F7: variants seen among roughly 807,000 people sequenced by gnomAD.
The protein encoded by F7 is coagulation factor VII.
A neutral mutation model predicts 47.5 loss-of-function variants in F7; 38 were observed. That is an observed-to-expected ratio of 0.80 (90% confidence interval 0.62 to 1.05). The LOEUF is 1.05. Among genes scored for constraint, F7 ranks in the 50% least tolerant of loss-of-function variants. The pLI, the probability that F7 is intolerant of heterozygous loss-of-function variation, is 0.00. For synonymous variants in F7, 244 were observed against 258.5 expected, an observed-to-expected ratio of 0.94 and a Z score of 0.54; for missense variants, 575 against 605.4, an observed-to-expected ratio of 0.95 and a Z score of 0.53.
At position 113,117,365 on chromosome 13, in the gene F7, G is replaced by A. The variant is rs187115344; in HGVS notation, c.616-108G>A. 2.8e-5 allele frequency: 43 copies of A among 1,553,136 alleles called. No homozygotes were observed. The African/African-American group carries it at 4.3e-4, about 16-fold the overall frequency. On this transcript the variant is annotated intron_variant, in intron 6 of 7. Coordinates refer to ENST00000346342, the MANE Select transcript of F7 (RefSeq NM_019616.4). Reference sequence around the variant, plus strand: ...GATCTGCAAAGACCCCAGGATTTCAGAAAGAAATTGTGCAATGCCAGAGGT... The same window carrying A: ...GATCTGCAAAGACCCCAGGATTTCAAAAAGAAATTGTGCAATGCCAGAGGT...
At chr13:113,114,440 A>G (rs535398377) in intron 4 of F7, 7 of 225,860 alleles carry the variant, frequency 3.1e-5, no homozygotes, top group Non-Finnish European at 6.2e-5. Context: ...ACTGAAGTGG[A>G]TACACTCACA....
chr13:113,106,710 T>C lies in F7; in HGVS notation c.64+805T>C. The C allele has an allele frequency of 9.7e-6, 6 of 620,516 alleles. No individual in the cohort carries two copies. The South Asian group carries it at 1.1e-4, about 11-fold the overall frequency. 38.4% of individuals were successfully genotyped at this position (620,516 alleles called of 1,614,324 possible). A position where few individuals can be genotyped will look rare whatever the true frequency, so the allele number is the denominator to read the frequency against. On this transcript the variant is annotated intron_variant, in intron 1 of 7. Coordinates refer to ENST00000346342, the MANE Select transcript of F7 (RefSeq NM_019616.4). ...GCGAGTAGGGGGTGTGGCGTGAGGATGGCTAGTGGGGCGTGGGGATGGCGT... is the reference window on the plus strand; with the variant it reads ...GCGAGTAGGGGGTGTGGCGTGAGGACGGCTAGTGGGGCGTGGGGATGGCGT...
At chr13:113,106,853 G>A in intron 1 of F7, 5 of 1,602,298 alleles carry the variant, frequency 3.1e-6, no homozygotes, top group Admixed American at 1.7e-5. Context: ...AGGCGGGGTC[G>A]CTAAGGCCTC....
At position 113,120,063 on chromosome 13, in the gene F7, C is replaced by T. The variant is rs191700778; in HGVS notation, c.*1055C>T. 6.6e-6 allele frequency: 1 copy of T among 152,334 alleles called. No homozygotes were observed. Among genetic ancestry groups the T allele is most frequent in the Admixed American group, 6.5e-5 (1 of 15,302 alleles). The allele number at this position is 152,334 out of a possible 1,614,324, so 9.4% of individuals were successfully genotyped here. On this transcript the variant is annotated 3_prime_UTR_variant, in exon 8 of 8. Transcript: ENST00000346342. ...TTGCCCATGATTCATTTTTGGAGCC[C>T]CCGGTGCTCATCCTCTGAGATGCTC...
intron 4 of F7, chr13:113,114,881 T>C (rs1463414625): frequency 6.5e-6 from 1 of 152,820 alleles, no homozygotes; most frequent in African/African-American, 2.4e-5. Flanking sequence ...GGCACAGCAG[T>C]TCATCCTTGA....
intron 7 of F7, among the ~76,000 whole-genome samples, chr13:113,118,071 T>C (rs1331758474): frequency 6.6e-6 from 1 of 152,134 alleles, no homozygotes; most frequent in Non-Finnish European, 1.5e-5. Context: ...TTCTGCTCAC[T>C]GGGTTTATGG....
intron 1 of F7, among the ~76,000 whole-genome samples, chr13:113,109,778 C>A (rs1261388167): frequency 1.3e-5 from 2 of 152,162 alleles, no homozygotes; most frequent in East Asian, 3.9e-4. Context: ...GGCAGCACGG[C>A]CGCCCCGGGG....
chr13:113,112,831 ACACT>A (rs1481047107), intron 2 of F7, among the ~76,000 whole-genome samples: 35 of 146,588 alleles, frequency 2.4e-4, no homozygotes, highest in Admixed American at 4.7e-4. Flanking sequence ...AGGACACCTC[ACACT>A]CACAGGTCAC....
intron 4 of F7, among the ~76,000 whole-genome samples, chr13:113,114,286 T>C (rs2036155292): frequency 6.6e-6 from 1 of 151,960 alleles, no homozygotes; most frequent in African/African-American, 2.4e-5. Context: ...GACCGCTTGG[T>C]AAACTTCCCC....
chr13:113,118,338 A>G, intron 7 of F7, 75 bp from the exon 8 acceptor site: 1 of 1,475,864 alleles, frequency 6.8e-7, no homozygotes, highest in African/African-American at 1.4e-5. Context: ...AGAAATGGCC[A>G]CAGCCCATCC....
chr13:113,106,757 T>C, intron 1 of F7: 1 of 1,239,010 alleles, frequency 8.1e-7, no homozygotes, highest in Non-Finnish European at 1.1e-6. Context: ...GAGTGGGGGG[T>C]GGGCTGTGAG....
intron 1 of F7, among the ~76,000 whole-genome samples, chr13:113,107,258 GTGT>G: frequency 2.9e-5 from 2 of 69,000 alleles, no homozygotes; most frequent in African/African-American, 4.8e-5. Flanking sequence ...TGTCCCGGGA[GTGT>G]GGGTGTCCCG....
At position 113,119,392 on chromosome 13, in the gene F7, C is replaced by T. The variant is rs2036260498; in HGVS notation, c.*384C>T. On this transcript the variant is annotated 3_prime_UTR_variant, in exon 8 of 8. Coordinates refer to ENST00000346342, the MANE Select transcript of F7 (RefSeq NM_019616.4). ...TCAGCCAAGCCCACCTGCACGTGAT[C>T]TGCTGGCCTCAGGCTGCTGCTCTGC... 3.5e-6 allele frequency: 1 copy of T among 288,758 alleles called. No homozygotes were observed. Among genetic ancestry groups the T allele is most frequent in the East Asian group, 8.0e-5 (1 of 12,436 alleles). 17.9% of individuals were successfully genotyped at this position (288,758 alleles called of 1,614,324 possible).
intron 2 of F7, among the ~76,000 whole-genome samples, chr13:113,112,791 A>C (rs918486011): frequency 2.2e-5 from 3 of 135,306 alleles, no homozygotes; most frequent in African/African-American, 8.6e-5. Flanking sequence ...TTACAGGACA[A>C]CTCACACTCA....
rs934366387 is a variant in F7, at chr13:113,111,084, G to A, written c.225+234G>A. On this transcript the variant is annotated intron_variant, in intron 2 of 7. Coordinates refer to ENST00000346342, the MANE Select transcript of F7 (RefSeq NM_019616.4). ...CCCGTGCGGCCGCACCGCGCATGCC[G>A]GTTTTCACATCAGAAAATACGATTT... 4.6e-5 allele frequency among the ~76,000 whole-genome samples: 7 copies of A among 152,348 alleles called. No homozygotes were observed. The South Asian group carries it at 1.0e-3, about 23-fold the overall frequency.
chr13:113,115,273 G>A (rs1211490196), intron 4 of F7, among the ~76,000 whole-genome samples: 4 of 152,194 alleles, frequency 2.6e-5, no homozygotes, highest in African/African-American at 7.2e-5. Context: ...TGGTCCTCTC[G>A]TCAGTTGGGT....
intron 1 of F7, chr13:113,106,930 G>C (rs1237056245): frequency 1.9e-6 from 3 of 1,592,570 alleles, no homozygotes; most frequent in Admixed American, 1.7e-5. Flanking sequence ...GACTGCCACT[G>C]GTTTTGTCCT....
At chr13:113,110,419 C>G (rs766891095) in intron 1 of F7, 6 of 420,504 alleles carry the variant, frequency 1.4e-5, no homozygotes, top group East Asian at 4.6e-5. Flanking sequence ...CCCGCAGCCC[C>G]CTTCGGCCCG....
rs550831597 is a variant in F7 at position 113,111,869 on chromosome 13, T to G, written c.225+1019T>G. ...ACCTCACACAGGGCACACTTCACACTCACGGGTCACCTCACACTCACAGGA... is the reference window on the plus strand; with the variant it reads ...ACCTCACACAGGGCACACTTCACACGCACGGGTCACCTCACACTCACAGGA... On this transcript the variant is annotated intron_variant, in intron 2 of 7. Transcript: ENST00000346342. Among the ~76,000 whole-genome samples, 58 of 102,900 alleles carry G rather than the reference T, an allele frequency of 5.6e-4. 1 individual carries two copies. Among genetic ancestry groups the G allele is most frequent in the Middle Eastern group, 7.1e-3 (1 of 140 alleles). 67.5% of individuals were successfully genotyped at this position (102,900 alleles called of 152,430 possible). A position where few individuals can be genotyped will look rare whatever the true frequency, so the allele number is the denominator to read the frequency against.
Sources: allele counts gnomAD v4.1 joint callset (sites outside exome capture counted in the v4.1 genomes callset), GRCh38; gene constraint gnomAD v4.1.1; transcripts MANE v1.5; gene names NCBI Gene and HGNC (gene_info 2026-07-23, HGNC 2026-07-21).